Variants in USH2A observed in about 807,000 individuals in gnomAD.
USH2A encodes the protein usherin.
USH2A carries 443 observed loss-of-function variants against 538.9 expected under a neutral mutation model. The ratio of observed to expected loss-of-function variants is 0.82; its 90% CI spans 0.76 to 0.89. The LOEUF is 0.89. Among genes scored for constraint, USH2A ranks in the 40% least tolerant of loss-of-function variants. USH2A has a pLI of 0.00. For missense variants in USH2A, 6,633 were observed against 6,324.8 expected, an observed-to-expected ratio of 1.05 and a Z score of -1.65; for synonymous variants, 2,413 against 2,273.5, an observed-to-expected ratio of 1.06 and a Z score of -1.75.
At chr1:216,163,151 T>C (rs192695377) in intron 21 of USH2A, among the ~76,000 whole-genome samples, 2 of 151,936 alleles carry the variant, frequency 1.3e-5, no homozygotes, top group Non-Finnish European at 2.9e-5. Context: ...ATATATATTT[T>C]GTTCCCAACT....
chr1:215,718,053 T>C (rs551419033), intron 61 of USH2A, among the ~76,000 whole-genome samples: 1 of 152,298 alleles, frequency 6.6e-6, no homozygotes, highest in Non-Finnish European at 1.5e-5. Context: ...AGAAGATAGT[T>C]GCCATTCTGG....
chr1:215,852,369 A>T (rs187099935), intron 44 of USH2A, among the ~76,000 whole-genome samples: 1 of 152,162 alleles, frequency 6.6e-6, no homozygotes. Flanking sequence ...CCATGATTCA[A>T]TTATCTCCCA....
At chr1:216,395,132 T>C (rs1362120603) in intron 3 of USH2A, among the ~76,000 whole-genome samples, 1 of 152,174 alleles carries the variant, frequency 6.6e-6, no homozygotes, top group Non-Finnish European at 1.5e-5. Flanking sequence ...AACAATTTAC[T>C]AAAATCTTTT....
chr1:216,295,028 A>G (rs1208663798), intron 9 of USH2A, among the ~76,000 whole-genome samples: 2 of 151,804 alleles, frequency 1.3e-5, no homozygotes, highest in Admixed American at 1.3e-4. Flanking sequence ...AATTTTCAGC[A>G]TAATAGTTAA....
intron 11 of USH2A, among the ~76,000 whole-genome samples, chr1:216,263,724 C>G (rs1164425453): frequency 6.6e-6 from 1 of 152,104 alleles, no homozygotes; most frequent in African/African-American, 2.4e-5. Context: ...GTGATGCCCA[C>G]TTTCACTACT....
chr1:215,856,725 T>A (rs552500319), intron 44 of USH2A, among the ~76,000 whole-genome samples: 1 of 152,192 alleles, frequency 6.6e-6, no homozygotes, highest in African/African-American at 2.4e-5. Flanking sequence ...GAAGTCATTA[T>A]ATGAAAAGAT....
At chr1:216,157,554 C>A (rs551257979) in intron 21 of USH2A, among the ~76,000 whole-genome samples, 1 of 152,206 alleles carries the variant, frequency 6.6e-6, no homozygotes, top group African/African-American at 2.4e-5. Flanking sequence ...AGCAAAGACA[C>A]AGAATCAATC....
chr1:215,725,448 A>T (rs1027236713), intron 61 of USH2A, among the ~76,000 whole-genome samples: 1 of 152,212 alleles, frequency 6.6e-6, no homozygotes, highest in African/African-American at 2.4e-5. Context: ...AGTTGCCCTG[A>T]TGCCCTGAAA....
In USH2A at chr1:216,365,002, T is replaced by G; in HGVS notation, c.735A>C (p.Ser245=). Residue 245 remains serine (S), a synonymous_variant, in exon 4 of 72, where the codon TCA becomes TCC. Coordinates refer to ENST00000307340, the MANE Select transcript of USH2A (RefSeq NM_206933.4). ...CAGTACCAGATGCAAAATCTGTAAT[T>G]GAACCACTTAGAGTTCTTGCATTGA... The part of the protein sequence containing the change: ...TPFNARTLSG[S]ITDFASGTVQ... 1 of 1,613,792 alleles carries G rather than the reference T, an allele frequency of 6.2e-7. No individual in the cohort carries two copies. The highest frequency in any genetic ancestry group is 1.1e-5 in the South Asian group (1 of 91,078).
chr1:216,241,607 T>C (rs2035939991), intron 13 of USH2A, among the ~76,000 whole-genome samples: 1 of 152,040 alleles, frequency 6.6e-6, no homozygotes, highest in Admixed American at 6.6e-5. Flanking sequence ...CCATCTCTGC[T>C]CACTGCAATC....
intron 32 of USH2A, among the ~76,000 whole-genome samples, chr1:216,027,822 G>A (rs958946550): frequency 6.6e-6 from 1 of 152,146 alleles, no homozygotes; most frequent in African/African-American, 2.4e-5. Context: ...ATGCACTAAA[G>A]ATATCAATGT....
intron 71 of USH2A, among the ~76,000 whole-genome samples, chr1:215,627,453 C>CTTCCTTCCTTCCTTCT (rs1656090286): frequency 9.5e-6 from 1 of 104,780 alleles, no homozygotes; most frequent in Non-Finnish European, 2.1e-5. Context: ...TCCTTCCTTC[C>CTTCCTTCCTTCCTTCT]TTCCTTCCTT....
In USH2A at chr1:216,330,410, T is replaced by C. The variant is rs528693655; in HGVS notation, c.785-2756A>G. Among the ~76,000 whole-genome samples the C allele has an allele frequency of 1.7e-3, 257 of 152,112 alleles. 2 individuals carry two copies. The highest frequency in any genetic ancestry group is 5.9e-3 in the African/African-American group (243 of 41,532). ...GATGTTATGTCCAAGAGAGGCCTCA[T>C]TGAGAATGTGGCATTGACAGGGGAA... On this transcript the variant is annotated intron_variant, in intron 4 of 71. Transcript: ENST00000307340.
At chr1:216,377,852 AAAGAAAGAAAGAAAG>A (rs1255998485) in intron 3 of USH2A, among the ~76,000 whole-genome samples, 2 of 129,604 alleles carry the variant, frequency 1.5e-5, no homozygotes, top group African/African-American at 2.6e-5. Context: ...AGAAAGAAAG[AAAGAAAGAAAGAAAG>A]AAGGAAAGAA....
chr1:215,640,470 A>C, intron 68 of USH2A, 88 bp downstream of exon 68: 1 of 1,552,190 alleles, frequency 6.4e-7, no homozygotes. Flanking sequence ...AATGGTGAGC[A>C]TCTGCTGGTC....
At chr1:215,759,934 T>A in intron 56 of USH2A, 91 bp from the exon 57 acceptor site, 1 of 1,487,056 alleles carries the variant, frequency 6.7e-7, no homozygotes, top group Non-Finnish European at 9.4e-7. Context: ...ACTGTGATAT[T>A]TTTTCTGTTG....
chr1:215,672,182 TC>T (rs1461374783), intron 63 of USH2A, among the ~76,000 whole-genome samples: 1 of 152,214 alleles, frequency 6.6e-6, no homozygotes, highest in South Asian at 2.1e-4. Context: ...AGCACTTTTT[TC>T]TCTATTCCCA....
chr1:215,858,388 C>A (rs1250853779), intron 44 of USH2A, among the ~76,000 whole-genome samples: 2 of 151,274 alleles, frequency 1.3e-5, no homozygotes. Flanking sequence ...GATTGGATTA[C>A]GGGGGTGGTT....
At chr1:216,146,758 G>A (rs1433022744) in intron 21 of USH2A, among the ~76,000 whole-genome samples, 2 of 151,950 alleles carry the variant, frequency 1.3e-5, no homozygotes, top group African/African-American at 2.4e-5. Flanking sequence ...CCCCTCCTCC[G>A]TGTCTCTATG....
Sources: gnomAD v4.1 joint callset for allele counts (sites outside exome capture counted in the v4.1 genomes callset) on GRCh38, gnomAD v4.1.1 for gene constraint, MANE v1.5 for transcripts, NCBI Gene and HGNC (gene_info 2026-07-23, HGNC 2026-07-21) for gene names.